The following CARMIL3 variants were observed in gnomAD, a reference collection of about 807,000 sequenced individuals.
CARMIL3 encodes the protein capping protein regulator and myosin 1 linker 3.
Under a neutral mutation model 180.8 loss-of-function variants are expected in CARMIL3, and 88 were observed. The ratio of observed to expected loss-of-function variants is 0.49; its 90% CI spans 0.41 to 0.58. CARMIL3 has a LOEUF of 0.58. CARMIL3 is among the 20% of genes least tolerant of loss of function. The probability of loss-of-function intolerance (pLI) is 0.00; values close to 1 mark genes in which losing one functional copy is unlikely to be tolerated. For synonymous variants in CARMIL3, 696 were observed against 714.5 expected (o/e 0.97, Z 0.41); for missense variants, 1,548 against 1,787.0 (o/e 0.87, Z 2.41).
chr14:24,054,010 G>T lies in CARMIL3; in HGVS notation c.136-78G>T. 1 of 1,526,196 alleles carries T rather than the reference G, an allele frequency of 6.6e-7. No individual in the cohort carries two copies. The highest frequency in any genetic ancestry group is 9.0e-7 in the Non-Finnish European group (1 of 1,111,426). 94.5% of individuals were successfully genotyped at this position (1,526,196 alleles called of 1,614,324 possible). On this transcript the variant is annotated intron_variant, in intron 2 of 39. Transcript: ENST00000342740. This position sits in a 1 kb window ranked among gnomAD's most constrained non-coding sequence, Gnocchi z 5.1. ...GTTGGGGAGACACTCCAAGAGCAGA[G>T]CTGAAGGGCTTAAGGAGGGCAGGGC...
At chr14:24,053,935 A>G in intron 2 of CARMIL3, 132 bp downstream of exon 2, 1 of 1,143,416 alleles carries the variant, frequency 8.7e-7, no homozygotes, top group Non-Finnish European at 1.3e-6. Flanking sequence ...TGGGGGGAGG[A>G]GGCAGGGCTG....
rs768159096 is a variant in CARMIL3, at chr14:24,058,164, T to G, written c.1332T>G (p.Leu444=). 6.2e-7 allele frequency: 1 copy of G among 1,613,784 alleles called. No individual in the cohort carries two copies. The highest frequency in any genetic ancestry group is 1.1e-5 in the South Asian group (1 of 91,072). ...KLPLEALRAL[L]QGLSLNSHLS... is the part of the protein sequence containing the mutation. ...GACCTCCCTCCCACAGGGCGCTGCT[T>G]CAGGGCCTCTCCCTCAACAGTCACC... Residue 444 remains leucine (L), a synonymous_variant, in exon 17 of 40, where the codon CTT becomes CTG. Coordinates refer to ENST00000342740, the MANE Select transcript of CARMIL3 (RefSeq NM_138360.4). The surrounding 1 kb of genome is among the most constrained non-coding windows in gnomAD (Gnocchi z 6.4).
intron 11 of CARMIL3, 23 bp from the exon 12 acceptor site, chr14:24,056,599 C>G: frequency 6.2e-7 from 1 of 1,612,636 alleles, no homozygotes. Flanking sequence ...CTCACTGGGC[C>G]CGTTTCTCTC....
intron 24 of CARMIL3, 128 bp from the exon 25 acceptor site, chr14:24,060,500 G>A: frequency 7.1e-7 from 1 of 1,406,822 alleles, no homozygotes; most frequent in South Asian, 1.3e-5. Context: ...TAGCAATGGG[G>A]ACCAGGCCAG....
intron 2 of CARMIL3, 122 bp downstream of exon 2, chr14:24,053,925 TG>T (rs1187101420): frequency 1.6e-5 from 19 of 1,158,894 alleles, no homozygotes; most frequent in Non-Finnish European, 2.2e-5. Flanking sequence ...AGACAAAACC[TG>T]GGGGGAGGAG....
At chr14:24,063,897 C>A (rs1028876760) in intron 31 of CARMIL3, among the ~76,000 whole-genome samples, 3 of 88,686 alleles carry the variant, frequency 3.4e-5, no homozygotes, top group African/African-American at 1.1e-4. Flanking sequence ...AGATCGAGAT[C>A]ATCCTGGCCA....
At chr14:24,062,426 C>T (rs768640762) in intron 27 of CARMIL3, 54 bp from the exon 28 acceptor site, 14 of 1,489,594 alleles carry the variant, frequency 9.4e-6, no homozygotes, top group African/African-American at 1.4e-5. Context: ...GCCTCAGGGG[C>T]CATGCGGGGG....
chr14:24,065,804 C>T, intron 34 of CARMIL3, 54 bp downstream of exon 34: 3 of 1,586,974 alleles, frequency 1.9e-6, no homozygotes, highest in Non-Finnish European at 1.7e-6. Flanking sequence ...CTGTCCACCA[C>T]CCTCTCCTTC....
chr14:24,063,387 T>A lies in CARMIL3; in HGVS notation c.2833T>A (p.Ser945Thr), dbSNP rs975872903. The change falls in exon 31 of 40, where the codon TCA (serine) becomes ACA (threonine). Residue 945 changes from serine (S) to threonine (T), a missense_variant. By Grantham distance (58) the Ser-to-Thr change is moderately conservative. Coordinates refer to ENST00000342740, the MANE Select transcript of CARMIL3 (RefSeq NM_138360.4). ...GNLGIPPGWF[S>T]GLGGSQPTAS... ...TCTGGGGATCCCCCCTGGCTGGTTC[T>A]CAGGACTTGGGGGCAGCCAGCCCAC... 4 of 1,613,152 alleles carry A rather than the reference T, an allele frequency of 2.5e-6. No homozygotes were observed. Among genetic ancestry groups the A allele is most frequent in the Admixed American group, 1.7e-5 (1 of 59,924 alleles).
chr14:24,064,589 G>A (rs533267557), intron 32 of CARMIL3, among the ~76,000 whole-genome samples: 2 of 152,344 alleles, frequency 1.3e-5, no homozygotes, highest in South Asian at 4.1e-4. Flanking sequence ...TTGGAGAGCA[G>A]GTGTGGATGA....
At chr14:24,060,278 CG>C (rs754329073) in intron 24 of CARMIL3, 23 bp downstream of exon 24, 19 of 1,612,536 alleles carry the variant, frequency 1.2e-5, no homozygotes, top group Non-Finnish European at 1.5e-5. Flanking sequence ...CTCTGGGACA[CG>C]GGGCATACCC....
At chr14:24,056,553 C>A (rs2035673745) in intron 11 of CARMIL3, 69 bp from the exon 12 acceptor site, 1 of 1,551,974 alleles carries the variant, frequency 6.4e-7, no homozygotes, top group Non-Finnish European at 8.9e-7. Context: ...GAGCCCCCAA[C>A]CTGACTCTGT....
In CARMIL3 at chr14:24,059,650, T is replaced by A; in HGVS notation, c.1800-14T>A. ...GGAGGAGAGGTGCCAAACTGGTGCTTACCCTCCCCCCAGAACTATCCTATG... is the reference window on the plus strand; with the variant it reads ...GGAGGAGAGGTGCCAAACTGGTGCTAACCCTCCCCCCAGAACTATCCTATG... On this transcript the variant is annotated splice_polypyrimidine_tract_variant and intron_variant, in intron 21 of 39. Coordinates refer to ENST00000342740, the MANE Select transcript of CARMIL3 (RefSeq NM_138360.4). This position sits in a 1 kb window ranked among gnomAD's most constrained non-coding sequence, Gnocchi z 6.3. 1 of 1,613,686 alleles carries A rather than the reference T, an allele frequency of 6.2e-7. No homozygotes were observed. Among genetic ancestry groups the A allele is most frequent in the African/African-American group, 1.3e-5 (1 of 74,980 alleles).
rs1371817887 is a variant in CARMIL3 at position 24,059,997 on chromosome 14, C to T, written c.1896C>T (p.Phe632=). 6.2e-7 allele frequency: 1 copy of T among 1,614,024 alleles called. No homozygotes were observed. The highest frequency in any genetic ancestry group is 8.5e-7 in the Non-Finnish European group (1 of 1,180,026). ...ESNHTLRFMS[F]PVSDISQAYR... is the part of the protein sequence containing the mutation. ...ACCACACGCTGCGCTTCATGTCCTT[C>T]CCCGTGAGCGACATCTCCCAAGCCT... Residue 632 remains phenylalanine, a synonymous_variant, in exon 23 of 40, where the codon TTC becomes TTT. Coordinates refer to ENST00000342740, the MANE Select transcript of CARMIL3 (RefSeq NM_138360.4). This position sits in a 1 kb window ranked among gnomAD's most constrained non-coding sequence, Gnocchi z 6.3.
At chr14:24,063,031 G>C (rs2035747950) in intron 29 of CARMIL3, 89 bp from the exon 30 acceptor site, 19 of 1,567,502 alleles carry the variant, frequency 1.2e-5, no homozygotes, top group Non-Finnish European at 1.7e-5. Context: ...TGAGGAGCGA[G>C]GGGCAGGATG....
In CARMIL3 at chr14:24,055,127, G is replaced by A. The variant is rs760945060; in HGVS notation, c.522G>A (p.Glu174=). 4.3e-6 allele frequency: 7 copies of A among 1,613,948 alleles called. No homozygotes were observed. Among genetic ancestry groups the A allele is most frequent in the Non-Finnish European group, 5.9e-6 (7 of 1,180,036 alleles). ...CDYNGLHCRE[E]VQWDVDTIYH... is the part of the protein sequence containing the mutation. ...ACAATGGGCTACACTGCCGTGAGGA[G>A]GTTCAATGGGTATGTTGGGCAGGGA... Residue 174 remains glutamate (E), a synonymous_variant, in exon 7 of 40, where the codon GAG becomes GAA. Coordinates refer to ENST00000342740, the MANE Select transcript of CARMIL3 (RefSeq NM_138360.4).
At position 24,054,095 on chromosome 14, in the gene CARMIL3, C is replaced by T; in HGVS notation, c.143C>T (p.Thr48Ile). The change falls in exon 3 of 40, where the codon ACC (threonine) becomes ATC (isoleucine). Residue 48 changes from threonine (T) to isoleucine (I), a missense_variant. Coordinates refer to ENST00000342740, the MANE Select transcript of CARMIL3 (RefSeq NM_138360.4). This position sits in a 1 kb window ranked among gnomAD's most constrained non-coding sequence, Gnocchi z 5.1. The stretch of plus-strand genomic sequence containing the variant: ...TTTTTCCTCTCTCTGTAGGCCCTGA[C>T]CTCCTGGCGCCTCCACCTCTTCCTC... ...KKFEDRVLAL[T>I]SWRLHLFLLK... 6.2e-7 allele frequency: 1 copy of T among 1,613,826 alleles called. No homozygotes were observed. Among genetic ancestry groups the T allele is most frequent in the Non-Finnish European group, 8.5e-7 (1 of 1,180,008 alleles).
chr14:24,068,987 G>C lies in CARMIL3; in HGVS notation c.3982+21G>C, dbSNP rs201130224. Reference sequence around the variant, plus strand: ...CCAAGGTCTGCCACCCTGGCTGAGTGGGGGGCTCAGGGCACCTCTAGGACT... The same window carrying C: ...CCAAGGTCTGCCACCCTGGCTGAGTCGGGGGCTCAGGGCACCTCTAGGACT... On this transcript the variant is annotated intron_variant, in intron 38 of 39. Coordinates refer to ENST00000342740, the MANE Select transcript of CARMIL3 (RefSeq NM_138360.4). The C allele has an allele frequency of 3.9e-6, 6 of 1,539,760 alleles. No individual in the cohort carries two copies. In the African/African-American group the frequency reaches 6.8e-5, roughly 18 times the overall value.
chr14:24,056,612 C>T lies in CARMIL3; in HGVS notation c.866-10C>T. The T allele has an allele frequency of 6.2e-7, 1 of 1,613,894 alleles. No homozygotes were observed. The highest frequency in any genetic ancestry group is 1.1e-5 in the South Asian group (1 of 91,082). On this transcript the variant is annotated splice_polypyrimidine_tract_variant and intron_variant, in intron 11 of 39. Coordinates refer to ENST00000342740, the MANE Select transcript of CARMIL3 (RefSeq NM_138360.4). ...CCCTCACTGGGCCCGTTTCTCTCTC[C>T]ACTCCCCAGGTTTTCTCAGTCTGAG...
Sources: gnomAD v4.1 joint callset for allele counts (sites outside exome capture counted in the v4.1 genomes callset) on GRCh38, gnomAD v4.1.1 for gene constraint, Gnocchi (gnomAD v3.1) non-coding constraint, MANE v1.5 for transcripts, NCBI Gene and HGNC (gene_info 2026-07-23, HGNC 2026-07-21) for gene names.